Variants in GRIN2B observed in about 807,000 individuals in gnomAD.
GRIN2B encodes glutamate ionotropic receptor NMDA type subunit 2B.
GRIN2B carries 5 observed loss-of-function variants against 114.5 expected under a neutral mutation model. That is an observed-to-expected ratio of 0.04 (90% confidence interval 0.02 to 0.09). The LOEUF (loss-of-function observed/expected upper bound fraction) is 0.09. Ranked by LOEUF, GRIN2B falls within the 10% of genes least tolerant of loss-of-function variation. The pLI is 1.00. For synonymous variants in GRIN2B, 787 were observed against 745.1 expected (o/e 1.06, Z -0.92); for missense variants, 1,108 against 1,943.5 (o/e 0.57, Z 8.08).
At chr12:13,800,581 G>A (rs1234211302) in intron 3 of GRIN2B, among the ~76,000 whole-genome samples, 1 of 152,010 alleles carries the variant, frequency 6.6e-6, no homozygotes, top group Non-Finnish European at 1.5e-5. Context: ...CACCCCTTGG[G>A]GCTTCCATAT....
intron 4 of GRIN2B, among the ~76,000 whole-genome samples, chr12:13,700,856 A>G (rs1393587486): frequency 2.6e-5 from 4 of 152,242 alleles, no homozygotes; most frequent in African/African-American, 9.6e-5. Flanking sequence ...CTGTGTAACT[A>G]AATGATAACT....
intron 2 of GRIN2B, among the ~76,000 whole-genome samples, chr12:13,970,954 G>A (rs142310303): frequency 2.2e-4 from 33 of 152,242 alleles, no homozygotes; most frequent in African/African-American, 7.9e-4. Flanking sequence ...CTCTAACAAG[G>A]TGATGAGAGG....
chr12:13,610,669 G>A (rs997601774), intron 9 of GRIN2B, among the ~76,000 whole-genome samples: 1 of 152,224 alleles, frequency 6.6e-6, no homozygotes, highest in African/African-American at 2.4e-5. Context: ...TCCAACAGAA[G>A]CATGAGGAAG....
intron 2 of GRIN2B, among the ~76,000 whole-genome samples, chr12:13,921,745 A>G (rs539074117): frequency 6.6e-6 from 1 of 152,268 alleles, no homozygotes; most frequent in East Asian, 1.9e-4. Flanking sequence ...GGGATGCCAG[A>G]TCCTTGGTGG....
intron 10 of GRIN2B, among the ~76,000 whole-genome samples, chr12:13,580,895 C>T (rs1022577617): frequency 5.1e-4 from 77 of 152,314 alleles, no homozygotes; most frequent in African/African-American, 1.9e-3. Context: ...TTTTCTAAAA[C>T]GTCATATAAA....
intron 2 of GRIN2B, among the ~76,000 whole-genome samples, chr12:13,948,627 G>A (rs1867411945): frequency 6.6e-6 from 1 of 152,138 alleles, no homozygotes; most frequent in African/African-American, 2.4e-5. Context: ...TTTCTGAAGA[G>A]AAGAGACCTG....
intron 2 of GRIN2B, among the ~76,000 whole-genome samples, chr12:13,896,555 A>G (rs1323615493): frequency 6.6e-6 from 1 of 152,182 alleles, no homozygotes; most frequent in African/African-American, 2.4e-5. Context: ...CAAAATGAAT[A>G]TAATGTACAA....
intron 5 of GRIN2B, among the ~76,000 whole-genome samples, chr12:13,633,354 G>A (rs113530023): frequency 3.3e-5 from 5 of 152,190 alleles, no homozygotes; most frequent in African/African-American, 1.2e-4. Context: ...CCTCACGCAT[G>A]CTAATGTTTG....
At chr12:13,644,700 A>G (rs111892529) in intron 5 of GRIN2B, among the ~76,000 whole-genome samples, 3,121 of 152,262 alleles carry the variant, frequency 0.02, 110 homozygotes, top group African/African-American at 0.072. Flanking sequence ...CAATGATCTT[A>G]GCTAGATCTT....
chr12:13,614,720 T>C (rs918252901), intron 8 of GRIN2B, among the ~76,000 whole-genome samples: 4 of 152,170 alleles, frequency 2.6e-5, no homozygotes, highest in Non-Finnish European at 5.9e-5. Context: ...TATCCAGAAT[T>C]AGAAATTATT....
intron 3 of GRIN2B, among the ~76,000 whole-genome samples, chr12:13,854,294 G>A (rs547905523): frequency 2.3e-4 from 35 of 152,104 alleles, no homozygotes; most frequent in African/African-American, 7.7e-4. Context: ...GGCGGATCAC[G>A]AGGTCAGGAG....
intron 3 of GRIN2B, among the ~76,000 whole-genome samples, chr12:13,857,367 G>T (rs1340802063): frequency 1.4e-5 from 2 of 143,370 alleles, no homozygotes; most frequent in Admixed American, 7.1e-5. Context: ...TGGCGCACGC[G>T]TGCATACACA....
chr12:13,598,375 A>C (rs541593021), intron 10 of GRIN2B, among the ~76,000 whole-genome samples: 2 of 152,256 alleles, frequency 1.3e-5, no homozygotes, highest in Admixed American at 1.3e-4. Context: ...TCCTTCCCAT[A>C]TGGCCTCATC....
chr12:13,705,519 A>G (rs1160599287), intron 4 of GRIN2B, among the ~76,000 whole-genome samples: 1 of 152,144 alleles, frequency 6.6e-6, no homozygotes, highest in Non-Finnish European at 1.5e-5. Flanking sequence ...GTGTTTGTAT[A>G]CCACAAAGGG....
intron 4 of GRIN2B, among the ~76,000 whole-genome samples, chr12:13,735,979 A>T (rs954264204): frequency 6.6e-6 from 1 of 151,882 alleles, no homozygotes; most frequent in African/African-American, 2.4e-5. Context: ...TGTGTCCTTT[A>T]CACGGGATTC....
chr12:13,669,146 T>G (rs1175501634), intron 5 of GRIN2B, among the ~76,000 whole-genome samples: 2 of 151,966 alleles, frequency 1.3e-5, no homozygotes, highest in East Asian at 3.9e-4. Context: ...TCCCCTGGTG[T>G]TGTTAACAGT....
chr12:13,689,036 T>C (rs1950193271), intron 4 of GRIN2B, among the ~76,000 whole-genome samples: 2 of 152,168 alleles, frequency 1.3e-5, no homozygotes, highest in African/African-American at 4.8e-5. Flanking sequence ...TGGATGCCTT[T>C]ATCTTTTCTC....
rs1041032800 is a variant in GRIN2B at position 13,544,744 on chromosome 12, TA to T, written c.*18038del. On this transcript the variant is annotated 3_prime_UTR_variant, in exon 14 of 14. Transcript: ENST00000609686. ...AGCAAACTGTGTGATATCGATTCTT[TA>T]AAACATTTCTGGAATCCAACTGCTT... is the stretch of plus-strand genomic sequence containing the variant. 1 of 152,240 alleles carries T rather than the reference TA, an allele frequency of 6.6e-6. No individual in the cohort carries two copies. Among genetic ancestry groups the T allele is most frequent in the Non-Finnish European group, 1.5e-5 (1 of 68,064 alleles). The allele number at this position is 152,240 out of a possible 1,614,324, so 9.4% of individuals were successfully genotyped here. A position where few individuals can be genotyped will look rare whatever the true frequency, so the allele number is the denominator to read the frequency against.
intron 10 of GRIN2B, among the ~76,000 whole-genome samples, chr12:13,605,639 A>G (rs1047191246): frequency 6.6e-6 from 1 of 151,778 alleles, no homozygotes; most frequent in African/African-American, 2.4e-5. Flanking sequence ...AACATAATGA[A>G]CACGGTATGG....
Sources: gnomAD v4.1 joint callset for allele counts (sites outside exome capture counted in the v4.1 genomes callset) on GRCh38, gnomAD v4.1.1 for gene constraint, MANE v1.5 for transcripts, NCBI Gene and HGNC (gene_info 2026-07-23, HGNC 2026-07-21) for gene names.